SPATA16: variants seen among roughly 807,000 people sequenced by gnomAD.
SPATA16 encodes the protein spermatogenesis associated 16, also known as spermatogenesis-associated protein 16.
SPATA16 carries 36 observed loss-of-function variants against 63.3 expected under a neutral mutation model. The ratio of observed to expected loss-of-function variants is 0.57; its 90% CI spans 0.44 to 0.75. The LOEUF is 0.75. SPATA16 is among the 30% of genes least tolerant of loss of function. The pLI is 0.00. For synonymous variants in SPATA16, 203 were observed against 216.7 expected (o/e 0.94, Z 0.56); for missense variants, 646 against 679.3 (o/e 0.95, Z 0.54).
intron 2 of SPATA16, among the ~76,000 whole-genome samples, chr3:173,094,624 G>A (rs527542260): frequency 6.7e-6 from 1 of 149,836 alleles, no homozygotes; most frequent in South Asian, 2.1e-4. Flanking sequence ...TGCAGAGCAT[G>A]TAAGCTATTC....
rs11282206 is a variant in SPATA16, at chr3:173,023,137, ATGTGTGTGTGTGTGTGTGTG to A, written c.759-3582_759-3563del. Among the ~76,000 whole-genome samples, 17 of 139,868 alleles carry A rather than the reference ATGTGTGTGTGTGTGTGTGTG, an allele frequency of 1.2e-4. No individual in the cohort carries two copies. The Admixed American group carries it at 1.2e-3, about 10-fold the overall frequency. The allele number at this position is 139,868 out of a possible 152,430, so 91.8% of individuals were successfully genotyped here. A position where few individuals can be genotyped will look rare whatever the true frequency, so the allele number is the denominator to read the frequency against. On this transcript the variant is annotated intron_variant, in intron 3 of 10. Coordinates refer to ENST00000351008, the MANE Select transcript of SPATA16 (RefSeq NM_031955.6). ...AGTTCACATGATTTGATGCTTGTGT[ATGTGTGTGTGTGTGTGTGTG>A]TGTGTGTGTGTGTGTGCTTATTTTA...
rs912971514 is a variant in SPATA16 at position 172,913,549 on chromosome 3, A to T, written c.1587+112T>A. On this transcript the variant is annotated intron_variant, in intron 10 of 10. Coordinates refer to ENST00000351008, the MANE Select transcript of SPATA16 (RefSeq NM_031955.6). ...TGCATTTAATTAAAAAAGGAAAACAAAAAAACAAACCAAAGAACTTGGGTT... is the reference window on the plus strand; with the variant it reads ...TGCATTTAATTAAAAAAGGAAAACATAAAAACAAACCAAAGAACTTGGGTT... 1.1e-5 allele frequency: 12 copies of T among 1,078,778 alleles called. No individual in the cohort carries two copies. In the African/African-American group the frequency reaches 1.9e-4, roughly 17 times the overall value. The allele number at this position is 1,078,778 out of a possible 1,614,324, so 66.8% of individuals were successfully genotyped here. A position where few individuals can be genotyped will look rare whatever the true frequency, so the allele number is the denominator to read the frequency against.
intron 4 of SPATA16, among the ~76,000 whole-genome samples, chr3:173,003,820 G>A (rs914769961): frequency 6.6e-6 from 1 of 152,212 alleles, no homozygotes; most frequent in Non-Finnish European, 1.5e-5. Flanking sequence ...GGCTTATAAT[G>A]TGCCAGGCAG....
At chr3:172,941,564 A>G (rs80242762) in intron 6 of SPATA16, among the ~76,000 whole-genome samples, 9,575 of 152,252 alleles carry the variant, frequency 0.063, 1,004 homozygotes, top group African/African-American at 0.22. Context: ...TTAGATTAGA[A>G]ATTTATAACC....
At chr3:172,973,408 G>C (rs1734089721) in intron 5 of SPATA16, among the ~76,000 whole-genome samples, 1 of 152,200 alleles carries the variant, frequency 6.6e-6, no homozygotes, top group Non-Finnish European at 1.5e-5. Flanking sequence ...GCATGCCCCT[G>C]TTTAGTGGGG....
chr3:172,938,456 A>G (rs1384146873), intron 6 of SPATA16, among the ~76,000 whole-genome samples: 13 of 152,166 alleles, frequency 8.5e-5, no homozygotes, highest in Admixed American at 8.5e-4. Flanking sequence ...GATGAAACAA[A>G]AGTCTTAATA....
intron 2 of SPATA16, among the ~76,000 whole-genome samples, chr3:173,100,965 A>G (rs1737478669): frequency 6.6e-6 from 1 of 152,202 alleles, no homozygotes; most frequent in African/African-American, 2.4e-5. Context: ...ATTTATCTTC[A>G]TAGCAGTTTA....
intron 2 of SPATA16, among the ~76,000 whole-genome samples, chr3:173,099,095 T>C (rs1045846491): frequency 1.3e-5 from 2 of 152,166 alleles, no homozygotes; most frequent in African/African-American, 4.8e-5. Flanking sequence ...TAGATAATCC[T>C]CCTTCTGACA....
rs149429146 is a variant in SPATA16 at position 173,006,800 on chromosome 3, T to G, written c.848+12686A>C. 1.5e-3 allele frequency among the ~76,000 whole-genome samples: 230 copies of G among 152,282 alleles called. 3 individuals are homozygous for G. Among genetic ancestry groups the G allele is most frequent in the African/African-American group, 5.3e-3 (219 of 41,556 alleles). ...ACTCTTTTCTTTTGGCAGATTGTGA[T>G]TTATATATGCATTATTTCCAGTAGG... On this transcript the variant is annotated intron_variant, in intron 4 of 10. Coordinates refer to ENST00000351008, the MANE Select transcript of SPATA16 (RefSeq NM_031955.6).
At chr3:173,059,796 ACTC>A (rs1417012579) in intron 2 of SPATA16, among the ~76,000 whole-genome samples, 1 of 140,078 alleles carries the variant, frequency 7.1e-6, no homozygotes, top group Non-Finnish European at 1.5e-5. Flanking sequence ...ACATAAATGA[ACTC>A]CTCTGGATAA....
At chr3:173,007,245 G>A (rs1267820242) in intron 4 of SPATA16, among the ~76,000 whole-genome samples, 1 of 152,222 alleles carries the variant, frequency 6.6e-6, no homozygotes, top group Non-Finnish European at 1.5e-5. Context: ...ATGCTCACAT[G>A]GGGGAATTAT....
chr3:172,950,543 A>G (rs866186186), intron 6 of SPATA16, among the ~76,000 whole-genome samples: 5 of 152,212 alleles, frequency 3.3e-5, no homozygotes, highest in Middle Eastern at 3.2e-3. Context: ...CTAGTTACAA[A>G]GAGGAAAATA....
intron 10 of SPATA16, among the ~76,000 whole-genome samples, chr3:172,908,917 G>A (rs555916424): frequency 1.4e-4 from 22 of 151,938 alleles, no homozygotes; most frequent in African/African-American, 3.9e-4. Flanking sequence ...ACTTGCTACC[G>A]GAATTGTCTG....
At chr3:173,073,668 G>A (rs1395811305) in intron 2 of SPATA16, among the ~76,000 whole-genome samples, 1 of 152,240 alleles carries the variant, frequency 6.6e-6, no homozygotes, top group African/African-American at 2.4e-5. Flanking sequence ...TTGATGCAGG[G>A]CAGGACCCTC....
chr3:173,106,332 C>T (rs778003853), intron 2 of SPATA16, among the ~76,000 whole-genome samples: 2 of 152,126 alleles, frequency 1.3e-5, no homozygotes, highest in Admixed American at 6.5e-5. Flanking sequence ...TCTTTATATT[C>T]TCTCATACCT....
chr3:173,052,732 T>C (rs1736132274), intron 2 of SPATA16, among the ~76,000 whole-genome samples: 2 of 152,222 alleles, frequency 1.3e-5, no homozygotes, highest in East Asian at 1.9e-4. Flanking sequence ...AGAAACTTAA[T>C]GTGGTGTGAA....
At chr3:173,113,133 A>G (rs886523100) in intron 2 of SPATA16, among the ~76,000 whole-genome samples, 5 of 152,232 alleles carry the variant, frequency 3.3e-5, no homozygotes, top group Non-Finnish European at 7.3e-5. Context: ...ATTGCCTAAT[A>G]TGCAAATACA....
chr3:173,137,689 A>C (rs16846656), intron 1 of SPATA16, among the ~76,000 whole-genome samples: 29,540 of 152,032 alleles, frequency 0.19, 3,066 homozygotes, highest in Middle Eastern at 0.27. Context: ...AGGGTGAGGA[A>C]GTTAACTGAG....
intron 2 of SPATA16, among the ~76,000 whole-genome samples, chr3:173,087,372 G>A (rs1401409498): frequency 6.6e-6 from 1 of 152,082 alleles, no homozygotes; most frequent in Non-Finnish European, 1.5e-5. Flanking sequence ...CATTCCATTT[G>A]CTTGGTAAAG....
Sources: gnomAD v4.1 joint callset for allele counts (sites outside exome capture counted in the v4.1 genomes callset) on GRCh38, gnomAD v4.1.1 for gene constraint, MANE v1.5 for transcripts, NCBI Gene and HGNC (gene_info 2026-07-23, HGNC 2026-07-21) for gene names.